The following ZC3H12B variants were observed in gnomAD, a reference collection of about 807,000 sequenced individuals.
The protein encoded by ZC3H12B is probable ribonuclease ZC3H12B.
A neutral mutation model predicts 43.9 loss-of-function variants in ZC3H12B; 7 were observed. The observed-to-expected ratio is 0.16, with a 90% CI of 0.09 to 0.30. The LOEUF (loss-of-function observed/expected upper bound fraction) is 0.30. ZC3H12B is among the 10% of genes least tolerant of loss of function. The probability of loss-of-function intolerance (pLI) is 1.00; values close to 1 mark genes in which losing one functional copy is unlikely to be tolerated. For missense variants in ZC3H12B, 475 were observed against 670.2 expected, an observed-to-expected ratio of 0.71 and a Z score of 3.22; for synonymous variants, 222 against 241.7, an observed-to-expected ratio of 0.92 and a Z score of 0.76.
At chrX:65,133,930 C>T in the ZC3H12B span, among the ~76,000 whole-genome samples, 1 of 110,724 alleles carries the variant, frequency 9.0e-6, no homozygotes, top group Admixed American at 9.6e-5. Context: ...CCCATTTTTT[C>T]GACAAAAATC....
chrX:65,121,536 T>C, the ZC3H12B span, among the ~76,000 whole-genome samples: 1 of 111,853 alleles, frequency 8.9e-6, no homozygotes, highest in African/African-American at 3.2e-5. Flanking sequence ...TTGATTCTTC[T>C]CTCTTTTCTT....
At chrX:65,150,462 T>C in the ZC3H12B span, among the ~76,000 whole-genome samples, 3 of 110,140 alleles carry the variant, frequency 2.7e-5, no homozygotes, top group African/African-American at 9.9e-5. Flanking sequence ...GCTGCACCTA[T>C]TGACCCATCC....
At chrX:65,137,369 G>A in the ZC3H12B span, among the ~76,000 whole-genome samples, 1 of 112,047 alleles carries the variant, frequency 8.9e-6, no homozygotes, top group African/African-American at 3.2e-5. Context: ...TTTCAGTGTT[G>A]CTTGTTTGAG....
the ZC3H12B span, among the ~76,000 whole-genome samples, chrX:65,067,964 A>C: frequency 7.3e-5 from 8 of 110,010 alleles, no homozygotes; most frequent in East Asian, 2.3e-3. Flanking sequence ...GACATTTTTC[A>C]ATTTTTTTTC....
At chrX:65,393,769 C>T (rs945138023) in intron 2 of ZC3H12B, among the ~76,000 whole-genome samples, 15 of 111,380 alleles carry the variant, frequency 1.3e-4, no homozygotes, top group African/African-American at 2.0e-4. Context: ...CTTGAGGAAT[C>T]GCCACACTGT....
the ZC3H12B span, among the ~76,000 whole-genome samples, chrX:65,200,872 G>T: frequency 9.0e-6 from 1 of 111,714 alleles, no homozygotes; most frequent in East Asian, 2.8e-4. Context: ...AACCAACCTT[G>T]CATCAAGAGG....
the ZC3H12B span, among the ~76,000 whole-genome samples, chrX:65,059,216 A>ACCCC: frequency 3.3e-5 from 2 of 60,919 alleles, no homozygotes; most frequent in Admixed American, 1.6e-4. Context: ...CCATCTTGGA[A>ACCCC]CCACCCCCCC....
intron 1 of ZC3H12B, among the ~76,000 whole-genome samples, chrX:65,492,650 C>G (rs572477219): frequency 1.8e-5 from 2 of 111,889 alleles, no homozygotes; most frequent in Admixed American, 1.9e-4. Flanking sequence ...CAAAGTTCAG[C>G]GCTATAGTCT....
chrX:65,441,598 G>A (rs1327896572), intron 3 of ZC3H12B, among the ~76,000 whole-genome samples: 1 of 112,046 alleles, frequency 8.9e-6, no homozygotes, highest in African/African-American at 3.2e-5. Flanking sequence ...AACAGACGTA[G>A]ATATAACAAT....
intron 3 of ZC3H12B, among the ~76,000 whole-genome samples, chrX:65,432,615 TA>T (rs751469578): frequency 2.7e-5 from 3 of 112,021 alleles, no homozygotes; most frequent in African/African-American, 9.7e-5. Flanking sequence ...TGAACCAGAA[TA>T]AGACAACCAA....
At chrX:65,256,275 A>T in the ZC3H12B span, among the ~76,000 whole-genome samples, 1 of 112,257 alleles carries the variant, frequency 8.9e-6, no homozygotes, top group Non-Finnish European at 1.9e-5. Flanking sequence ...AAAATTAACT[A>T]CACAGTTGGA....
chrX:65,363,114 A>G (rs984755185), upstream of ZC3H12B, among the ~76,000 whole-genome samples: 3 of 111,150 alleles, frequency 2.7e-5, no homozygotes, highest in Non-Finnish European at 3.8e-5. Flanking sequence ...ACTTCAGCCA[A>G]GCTCTTTCTC....
the ZC3H12B span, among the ~76,000 whole-genome samples, chrX:65,100,817 C>T: frequency 4.5e-5 from 5 of 110,417 alleles, no homozygotes; most frequent in African/African-American, 1.7e-4. Flanking sequence ...CTATAACACC[C>T]CACTGTCAAC....
the ZC3H12B span, among the ~76,000 whole-genome samples, chrX:65,226,997 C>A: frequency 9.0e-6 from 1 of 110,846 alleles, no homozygotes; most frequent in Non-Finnish European, 1.9e-5. Context: ...AGCAAGGATA[C>A]CCAGGAATTG....
At chrX:65,435,652 A>AGAT (rs756055801) in intron 3 of ZC3H12B, among the ~76,000 whole-genome samples, 8 of 87,973 alleles carry the variant, frequency 9.1e-5, no homozygotes, top group Admixed American at 8.6e-4. Context: ...TAGGATAGAT[A>AGAT]GATAGATAGA....
chrX:65,485,819 C>T (rs1277184018), upstream of ZC3H12B, among the ~76,000 whole-genome samples: 1 of 111,572 alleles, frequency 9.0e-6, no homozygotes, highest in African/African-American at 3.3e-5. Context: ...ACTCATAGCT[C>T]CCTGTGCTTT....
intron 1 of ZC3H12B, among the ~76,000 whole-genome samples, chrX:65,367,160 G>T (rs1462400645): frequency 1.8e-5 from 2 of 111,868 alleles, no homozygotes; most frequent in Non-Finnish European, 3.8e-5. Context: ...TACCCACAAA[G>T]ATATTGTTAT....
upstream of ZC3H12B, among the ~76,000 whole-genome samples, chrX:65,364,227 A>G (rs941784171): frequency 1.8e-5 from 2 of 110,535 alleles, no homozygotes; most frequent in African/African-American, 6.6e-5. Flanking sequence ...TCATTGCCTT[A>G]ACTCGAGCCC....
chrX:65,388,450 G>A (rs988981517), intron 2 of ZC3H12B, among the ~76,000 whole-genome samples: 7 of 112,005 alleles, frequency 6.2e-5, no homozygotes, highest in Non-Finnish European at 1.1e-4. Context: ...TGAGGCTTGT[G>A]CATTCATCAC....
Sources: gnomAD v4.1 joint callset for allele counts (sites outside exome capture counted in the v4.1 genomes callset) on GRCh38, gnomAD v4.1.1 for gene constraint, MANE v1.5 for transcripts, NCBI Gene and HGNC (gene_info 2026-07-23, HGNC 2026-07-21) for gene names.